RPH3AL: variants seen among roughly 807,000 people sequenced by gnomAD.
RPH3AL encodes rabphilin 3A like (without C2 domains).
RPH3AL carries 38 observed loss-of-function variants against 43.1 expected under a neutral mutation model. That is an observed-to-expected ratio of 0.88 (90% CI 0.68 to 1.15). The LOEUF (loss-of-function observed/expected upper bound fraction) is 1.15, where lower values mean the gene tolerates loss of function less well. Among genes scored for constraint, RPH3AL ranks in the 50% most tolerant of loss-of-function variants. The pLI, the probability that RPH3AL is intolerant of heterozygous loss-of-function variation, is 0.00. For synonymous variants in RPH3AL, 189 were observed against 176.3 expected (o/e 1.07, Z -0.57); for missense variants, 462 against 423.2 (o/e 1.09, Z -0.81).
At chr17:222,422 C>T (rs72815384) in intron 7 of RPH3AL, among the ~76,000 whole-genome samples, 4,312 of 152,334 alleles carry the variant, frequency 0.028, 106 homozygotes, top group Non-Finnish European at 0.044. Context: ...ACAGTGCAGT[C>T]TCACAAATGC....
At chr17:336,345 A>G (rs190280677) in intron 1 of RPH3AL, among the ~76,000 whole-genome samples, 1 of 152,208 alleles carries the variant, frequency 6.6e-6, no homozygotes, top group East Asian at 1.9e-4. Flanking sequence ...CGCCCAAAGA[A>G]CCACTCACTC....
chr17:267,108 G>A (rs2042343359), intron 6 of RPH3AL, among the ~76,000 whole-genome samples: 2 of 152,242 alleles, frequency 1.3e-5, no homozygotes, highest in Non-Finnish European at 2.9e-5. Context: ...AGGGGCCCCT[G>A]TCTTCCCTCT....
At chr17:332,234 G>A (rs927123901) in intron 2 of RPH3AL, 1 of 298,662 alleles carries the variant, frequency 3.3e-6, no homozygotes, top group Non-Finnish European at 6.6e-6. Context: ...GTCTGTCTCT[G>A]AGGTCCTACC....
chr17:332,054 G>A (rs2044784153), intron 2 of RPH3AL: 1 of 387,914 alleles, frequency 2.6e-6, no homozygotes, highest in African/African-American at 2.1e-5. Context: ...GCAGAGGCAG[G>A]AGGTTTTGTG....
In RPH3AL at chr17:290,759, T is replaced by C. The variant is rs1259296212; in HGVS notation, c.352-8905A>G. On this transcript the variant is annotated intron_variant, in intron 5 of 9. Coordinates refer to ENST00000331302, the MANE Select transcript of RPH3AL (RefSeq NM_006987.4). The surrounding 1 kb of genome is among the most constrained non-coding windows in gnomAD (Gnocchi z 4.2). ...AAGACGGGAAGGGGCTTAGTGCCAATGTAGGGGGAGGGAAGGAAACTGCTC... is the reference window on the plus strand; with the variant it reads ...AAGACGGGAAGGGGCTTAGTGCCAACGTAGGGGGAGGGAAGGAAACTGCTC... Among the ~76,000 whole-genome samples, 1 of 151,998 alleles carries C rather than the reference T, an allele frequency of 6.6e-6. No homozygotes were observed. The highest frequency in any genetic ancestry group is 1.5e-5 in the Non-Finnish European group (1 of 67,994).
chr17:312,701 C>T (rs1467612058), intron 5 of RPH3AL, among the ~76,000 whole-genome samples: 1 of 152,250 alleles, frequency 6.6e-6, no homozygotes, highest in African/African-American at 2.4e-5. Flanking sequence ...TTCTCCTGCA[C>T]TATTGCATCC....
In RPH3AL at chr17:274,170, G is replaced by A. The variant is rs77032846; in HGVS notation, c.438+7598C>T. On this transcript the variant is annotated intron_variant, in intron 6 of 9. Coordinates refer to ENST00000331302, the MANE Select transcript of RPH3AL (RefSeq NM_006987.4). The surrounding 1 kb of genome is among the most constrained non-coding windows in gnomAD (Gnocchi z 4.7). ...CCTGTGCTTAGAAGCCGCCAGGGCC[G>A]TTCCTCCCAGCCCCAACTAACGCAC... Among the ~76,000 whole-genome samples the A allele has an allele frequency of 0.034, 5,197 of 152,334 alleles. 146 individuals carry two copies. The highest frequency in any genetic ancestry group is 0.15 in the East Asian group (781 of 5,178).
At chr17:247,056 G>C in intron 7 of RPH3AL, 55 bp downstream of exon 7, 1 of 1,599,862 alleles carries the variant, frequency 6.3e-7, no homozygotes, top group Non-Finnish European at 8.6e-7. Context: ...CTGCCGGGCT[G>C]GCTAATGACC....
At chr17:232,574 G>A (rs967548104) in intron 7 of RPH3AL, among the ~76,000 whole-genome samples, 22 of 152,118 alleles carry the variant, frequency 1.4e-4, no homozygotes, top group Non-Finnish European at 2.6e-4. Context: ...GCAGTGCAGC[G>A]TCACCCCCCT....
At chr17:324,702 GCTATGTACCTATCTAT>G (rs1284701061) in intron 3 of RPH3AL, among the ~76,000 whole-genome samples, 1 of 119,818 alleles carries the variant, frequency 8.3e-6, no homozygotes. Context: ...TAGCTAGCTA[GCTATGTACCTATCTAT>G]CTATCTATCT....
chr17:229,458 G>T (rs2041177733), intron 7 of RPH3AL, among the ~76,000 whole-genome samples: 1 of 152,232 alleles, frequency 6.6e-6, no homozygotes, highest in African/African-American at 2.4e-5. Context: ...GCCACAGAGG[G>T]AAAGGAGACC....
At chr17:276,002 C>T (rs2042647040) in intron 6 of RPH3AL, among the ~76,000 whole-genome samples, 1 of 152,200 alleles carries the variant, frequency 6.6e-6, no homozygotes, top group African/African-American at 2.4e-5. Flanking sequence ...GCTAAGCAGC[C>T]AGTTTACAAA....
At chr17:350,130 A>G (rs1380009392) in intron 1 of RPH3AL, among the ~76,000 whole-genome samples, 1 of 152,218 alleles carries the variant, frequency 6.6e-6, no homozygotes, top group South Asian at 2.1e-4. Flanking sequence ...TCCTCTGTAC[A>G]ACAGAGGTAA....
chr17:313,941 G>C lies in RPH3AL; in HGVS notation c.351+5479C>G, dbSNP rs140080288. Among the ~76,000 whole-genome samples the C allele has an allele frequency of 2.9e-4, 44 of 152,234 alleles. No homozygotes were observed. In the East Asian group the frequency reaches 8.3e-3, roughly 29 times the overall value. On this transcript the variant is annotated intron_variant, in intron 5 of 9. Coordinates refer to ENST00000331302, the MANE Select transcript of RPH3AL (RefSeq NM_006987.4). ...CCCTCAGAAGCCTCAGAAGCTCAAAGATTCCCCGGCCTCATCACCCAAGCC... is the reference window on the plus strand; with the variant it reads ...CCCTCAGAAGCCTCAGAAGCTCAAACATTCCCCGGCCTCATCACCCAAGCC...
At chr17:332,677 A>G in intron 2 of RPH3AL, 1 of 235,370 alleles carries the variant, frequency 4.2e-6, no homozygotes, top group East Asian at 8.9e-5. Context: ...GCTGACTCAC[A>G]GGCCGTTTGT....
At chr17:343,656 C>T (rs1326254827) in intron 1 of RPH3AL, among the ~76,000 whole-genome samples, 1 of 152,108 alleles carries the variant, frequency 6.6e-6, no homozygotes, top group Admixed American at 6.5e-5. Context: ...GGTTCTGAAT[C>T]GGAGTGATTT....
intron 2 of RPH3AL, chr17:330,806 G>A (rs58432604): frequency 0.11 from 17,168 of 151,784 alleles, 1,018 homozygotes; most frequent in Middle Eastern, 0.16. Flanking sequence ...AACCTGGGGG[G>A]TGGAGGTTGC....
intron 6 of RPH3AL, among the ~76,000 whole-genome samples, chr17:263,220 G>C (rs2042242078): frequency 6.6e-6 from 1 of 152,142 alleles, no homozygotes; most frequent in Admixed American, 6.6e-5. Context: ...TCACACACAG[G>C]GAGTCAAGGG....
At chr17:313,288 G>A (rs1180674888) in intron 5 of RPH3AL, among the ~76,000 whole-genome samples, 1 of 152,132 alleles carries the variant, frequency 6.6e-6, no homozygotes, top group African/African-American at 2.4e-5. Flanking sequence ...TAAAAACACA[G>A]ATCAGATCAC....
Sources: allele counts gnomAD v4.1 joint callset (sites outside exome capture counted in the v4.1 genomes callset), GRCh38; gene constraint gnomAD v4.1.1; non-coding constraint Gnocchi (gnomAD v3.1); transcripts MANE v1.5; gene names NCBI Gene and HGNC (gene_info 2026-07-23, HGNC 2026-07-21).